The following NT5DC3 variants were observed in gnomAD, a reference collection of about 807,000 sequenced individuals.
NT5DC3 encodes the protein 5'-nucleotidase domain-containing protein 3.
A neutral mutation model predicts 67.8 loss-of-function variants in NT5DC3; 42 were observed. The ratio of observed to expected loss-of-function variants is 0.62; its 90% CI spans 0.48 to 0.80. The LOEUF (loss-of-function observed/expected upper bound fraction) is 0.80. NT5DC3 is among the 30% of genes least tolerant of loss of function. The probability of loss-of-function intolerance (pLI) is 0.00; values close to 1 mark genes in which losing one functional copy is unlikely to be tolerated. For missense variants in NT5DC3, 570 were observed against 696.4 expected, an observed-to-expected ratio of 0.82 and a Z score of 2.04; for synonymous variants, 237 against 255.6, an observed-to-expected ratio of 0.93 and a Z score of 0.69.
intron 1 of NT5DC3, among the ~76,000 whole-genome samples, chr12:103,838,753 A>G (rs1257293709): frequency 6.6e-6 from 1 of 152,244 alleles, no homozygotes; most frequent in South Asian, 2.1e-4. Flanking sequence ...TGTTTTATGT[A>G]CATACCATGA....
chr12:103,840,408 CTCATCTCATCTCATT>C lies in NT5DC3; in HGVS notation c.208+526_208+540del, dbSNP rs573810186. ...CTCATCTCATCTCATCTCATCTCAT[CTCATCTCATCTCATT>C]CCATCCCATTCCATCCCATCCCATC... On this transcript the variant is annotated intron_variant, in intron 1 of 13. Transcript: ENST00000392876. 9.4e-3 allele frequency among the ~76,000 whole-genome samples: 1,342 copies of C among 143,338 alleles called. 18 individuals are homozygous for C. The highest frequency in any genetic ancestry group is 0.014 in the Non-Finnish European group (968 of 67,134). 94.0% of individuals were successfully genotyped at this position (143,338 alleles called of 152,430 possible). A position where few individuals can be genotyped will look rare whatever the true frequency, so the allele number is the denominator to read the frequency against.
chr12:103,841,125 C>T lies in NT5DC3; in HGVS notation c.32G>A (p.Arg11His), dbSNP rs1888404869. 3 of 953,460 alleles carry T rather than the reference C, an allele frequency of 3.1e-6. No homozygotes were observed. Among genetic ancestry groups the T allele is most frequent in the Admixed American group, 8.1e-5 (2 of 24,712 alleles). 59.1% of individuals were successfully genotyped at this position (953,460 alleles called of 1,614,324 possible). A position where few individuals can be genotyped will look rare whatever the true frequency, so the allele number is the denominator to read the frequency against. The change falls in exon 1 of 14, where the codon CGC (arginine) becomes CAC (histidine). Residue 11 changes from arginine to histidine, a missense_variant. By Grantham distance (29) the Arg-to-His change is conservative (BLOSUM62 0). Coordinates refer to ENST00000392876, the MANE Select transcript of NT5DC3 (RefSeq NM_001031701.3). ...TGTCGCTGCCCTCGCCCCGGCCCCG[C>T]GTGCCACCACCGCCGCCGCTGCCAT... MTMAAAAVVARGAGARAATAA... is the reference protein window; with the variant it reads MTMAAAAVVAHGAGARAATAA...
intron 1 of NT5DC3, among the ~76,000 whole-genome samples, chr12:103,822,853 G>C (rs578064871): frequency 6.6e-6 from 1 of 152,256 alleles, no homozygotes; most frequent in South Asian, 2.1e-4. Context: ...TAGAGATATA[G>C]GTAAAGATTT....
chr12:103,781,910 A>G (rs1885568535), intron 12 of NT5DC3, among the ~76,000 whole-genome samples: 2 of 152,218 alleles, frequency 1.3e-5, no homozygotes, highest in African/African-American at 4.8e-5. Flanking sequence ...GGGGCAAAAC[A>G]GATTGGCTAC....
At chr12:103,747,998 A>AAT in the NT5DC3 span, among the ~76,000 whole-genome samples, 2 of 97,438 alleles carry the variant, frequency 2.1e-5, no homozygotes, top group African/African-American at 3.4e-5. Context: ...CTGTCTCCAA[A>AAT]AAAAAAAAAA....
chr12:103,808,038 A>G (rs949052969), intron 2 of NT5DC3, among the ~76,000 whole-genome samples: 1 of 152,148 alleles, frequency 6.6e-6, no homozygotes, highest in Non-Finnish European at 1.5e-5. Flanking sequence ...TTATCAAGCC[A>G]TTCCTCACAC....
intron 1 of NT5DC3, among the ~76,000 whole-genome samples, chr12:103,830,457 G>A (rs757909012): frequency 5.9e-5 from 9 of 152,050 alleles, no homozygotes; most frequent in Non-Finnish European, 1.2e-4. Context: ...TTTTCTTTGA[G>A]TGTTTTCTCT....
chr12:103,770,028 G>T (rs527764210), downstream of NT5DC3, among the ~76,000 whole-genome samples: 44 of 152,350 alleles, frequency 2.9e-4, no homozygotes, highest in African/African-American at 1.0e-3. Flanking sequence ...CCACGAGGCA[G>T]TTTCTCTAAA....
At position 103,777,494 on chromosome 12, in the gene NT5DC3, G is replaced by A. The variant is rs1885381441; in HGVS notation, c.*335C>T. 3.4e-6 allele frequency: 1 copy of A among 296,716 alleles called. No individual in the cohort carries two copies. The highest frequency in any genetic ancestry group is 6.3e-6 in the Non-Finnish European group (1 of 159,410). 18.4% of individuals were successfully genotyped at this position (296,716 alleles called of 1,614,324 possible). On this transcript the variant is annotated 3_prime_UTR_variant, in exon 14 of 14. Transcript: ENST00000392876. ...ATGTTCCATGGAGGAGTCAAGAACC[G>A]TTTCAAGCTTGACCTGCTAGAATAC...
chr12:103,823,449 G>A (rs550545676), intron 1 of NT5DC3, among the ~76,000 whole-genome samples: 43 of 152,132 alleles, frequency 2.8e-4, no homozygotes, highest in Non-Finnish European at 6.2e-4. Context: ...TTAACAGCTC[G>A]AGGTCACATT....
intron 5 of NT5DC3, among the ~76,000 whole-genome samples, chr12:103,797,526 G>C (rs140978540): frequency 3.2e-4 from 49 of 150,960 alleles, no homozygotes; most frequent in African/African-American, 1.2e-3. Context: ...TCACAGCAGA[G>C]CTGATGTCTC....
At chr12:103,840,308 C>T (rs1276724349) in intron 1 of NT5DC3, among the ~76,000 whole-genome samples, 1 of 152,112 alleles carries the variant, frequency 6.6e-6, no homozygotes, top group African/African-American at 2.4e-5. Flanking sequence ...AGAATCCCCT[C>T]CTCACCGAGG....
intron 13 of NT5DC3, among the ~76,000 whole-genome samples, chr12:103,779,587 A>G (rs1593380045): frequency 6.6e-6 from 1 of 152,096 alleles, no homozygotes; most frequent in Non-Finnish European, 1.5e-5. Flanking sequence ...CCACCCACGC[A>G]CACCACCACA....
At chr12:103,781,817 G>A (rs1305341092) in intron 12 of NT5DC3, among the ~76,000 whole-genome samples, 3 of 152,060 alleles carry the variant, frequency 2.0e-5, no homozygotes, top group South Asian at 2.1e-4. Flanking sequence ...AAGACTAACC[G>A]AAGCCCCACA....
At chr12:103,780,896 T>C (rs1252978442) in intron 12 of NT5DC3, among the ~76,000 whole-genome samples, 2 of 152,210 alleles carry the variant, frequency 1.3e-5, no homozygotes, top group African/African-American at 4.8e-5. Flanking sequence ...AACATAAAAA[T>C]TTGTTTTAAT....
the NT5DC3 span, chr12:103,749,214 T>C: frequency 6.6e-7 from 1 of 1,516,486 alleles, no homozygotes; most frequent in Non-Finnish European, 8.9e-7. Context: ...CGCTCCTCCT[T>C]GCCTTTCCAC....
the NT5DC3 span, among the ~76,000 whole-genome samples, chr12:103,756,637 C>A: frequency 6.6e-6 from 1 of 152,188 alleles, no homozygotes. Flanking sequence ...CAGCCTCCCC[C>A]TCATGCTTTC....
chr12:103,768,101 A>T (rs972529761), downstream of NT5DC3, among the ~76,000 whole-genome samples: 1 of 147,464 alleles, frequency 6.8e-6, no homozygotes. Flanking sequence ...AAAAAAAAAA[A>T]AAAAAAAATT....
chr12:103,839,648 T>G (rs981363731), intron 1 of NT5DC3, among the ~76,000 whole-genome samples: 6 of 152,196 alleles, frequency 3.9e-5, no homozygotes, highest in Non-Finnish European at 8.8e-5. Flanking sequence ...ATCTTCTATA[T>G]TCCTTTCATC....
Sources: gnomAD v4.1 joint callset for allele counts (sites outside exome capture counted in the v4.1 genomes callset) on GRCh38, gnomAD v4.1.1 for gene constraint, MANE v1.5 for transcripts, NCBI Gene and HGNC (gene_info 2026-07-23, HGNC 2026-07-21) for gene names.